FHIT: variants seen among roughly 807,000 people sequenced by gnomAD.
FHIT encodes the protein bis(5'-adenosyl)-triphosphatase.
Under a neutral mutation model 17.9 loss-of-function variants are expected in FHIT, and 19 were observed. The ratio of observed to expected loss-of-function variants is 1.06; its 90% CI spans 0.74 to 1.56. The LOEUF (loss-of-function observed/expected upper bound fraction) is 1.56. FHIT is among the 40% of genes most tolerant of loss of function. The pLI, the probability that FHIT is intolerant of heterozygous loss-of-function variation, is 0.00. For missense variants in FHIT, 248 were observed against 189.2 expected (o/e 1.31, Z -1.82); for synonymous variants, 81 against 69.7 (o/e 1.16, Z -0.81).
At chr3:60,353,073 G>C (rs947826019) in intron 5 of FHIT, among the ~76,000 whole-genome samples, 3 of 152,120 alleles carry the variant, frequency 2.0e-5, no homozygotes, top group Non-Finnish European at 2.9e-5. Context: ...AGTTTAACAA[G>C]ATAAATTTGA....
In FHIT at chr3:60,070,559, G is replaced by A. The variant is rs924685474; in HGVS notation, c.104-56407C>T. Among the ~76,000 whole-genome samples the A allele has an allele frequency of 2.6e-5, 4 of 151,254 alleles. No homozygotes were observed. In the South Asian group the frequency reaches 6.3e-4, roughly 24 times the overall value. On this transcript the variant is annotated intron_variant, in intron 5 of 9. Transcript: ENST00000492590. ...ACACCTGTCCCTCTGTCCCCTGCTGGGTAGATTAGGGAAGACAAACAAAGA... is the reference window on the plus strand; with the variant it reads ...ACACCTGTCCCTCTGTCCCCTGCTGAGTAGATTAGGGAAGACAAACAAAGA...
intron 3 of FHIT, among the ~76,000 whole-genome samples, chr3:60,860,414 T>TATGTATACATGACATACATC (rs1553751410): frequency 2.1e-5 from 3 of 139,916 alleles, no homozygotes; most frequent in Non-Finnish European, 4.8e-5. Context: ...ACATACATCA[T>TATGTATACATGACATACATC]ATGTATATAT....
intron 5 of FHIT, among the ~76,000 whole-genome samples, chr3:60,365,864 C>A (rs1700086001): frequency 1.3e-5 from 2 of 152,208 alleles, no homozygotes; most frequent in East Asian, 1.9e-4. Flanking sequence ...CATGAAAATA[C>A]GTAACAACAA....
chr3:60,080,474 A>C (rs1703229322), intron 5 of FHIT, among the ~76,000 whole-genome samples: 1 of 152,270 alleles, frequency 6.6e-6, no homozygotes, highest in Admixed American at 6.5e-5. Flanking sequence ...GCTGCAAGTA[A>C]ATTTTCTGAG....
rs993644637 is a variant in FHIT at position 60,291,884 on chromosome 3, G to A, written c.103+244976C>T. Among the ~76,000 whole-genome samples the A allele has an allele frequency of 3.9e-5, 6 of 152,220 alleles. No homozygotes were observed. The East Asian group carries it at 1.2e-3, about 29-fold the overall frequency. Reference sequence around the variant, plus strand: ...GAATATCAGGAGCCACTAGAAGCTCGAAGAGGCAAGGAAGTATGCTCCCCT... The same window carrying A: ...GAATATCAGGAGCCACTAGAAGCTCAAAGAGGCAAGGAAGTATGCTCCCCT... On this transcript the variant is annotated intron_variant, in intron 5 of 9. Coordinates refer to ENST00000492590, the MANE Select transcript of FHIT (RefSeq NM_002012.4).
intron 3 of FHIT, among the ~76,000 whole-genome samples, chr3:60,873,464 G>T (rs9883990): frequency 3.9e-5 from 6 of 152,152 alleles, no homozygotes; most frequent in Admixed American, 1.3e-4. Flanking sequence ...CCTTCAACAG[G>T]TTCCTTTGTT....
At chr3:61,133,987 C>G (rs2036837297) in intron 2 of FHIT, among the ~76,000 whole-genome samples, 1 of 152,064 alleles carries the variant, frequency 6.6e-6, no homozygotes, top group Non-Finnish European at 1.5e-5. Context: ...ACTCAGGAGG[C>G]TGAGGCAGGA....
intron 4 of FHIT, among the ~76,000 whole-genome samples, chr3:60,674,957 A>C (rs1020423931): frequency 2.6e-5 from 4 of 152,192 alleles, no homozygotes; most frequent in Non-Finnish European, 5.9e-5. Flanking sequence ...GCCCCTCAGC[A>C]GCAACAAAGT....
intron 1 of FHIT, among the ~76,000 whole-genome samples, chr3:61,239,906 C>T (rs1373914501): frequency 6.6e-6 from 1 of 151,870 alleles, no homozygotes; most frequent in African/African-American, 2.4e-5. Flanking sequence ...ATATATATCA[C>T]CTGGCAGCTT....
intron 7 of FHIT, among the ~76,000 whole-genome samples, chr3:59,984,029 T>C (rs1168351066): frequency 6.6e-6 from 1 of 152,128 alleles, no homozygotes; most frequent in Non-Finnish European, 1.5e-5. Context: ...CAATGTTACT[T>C]AACTTTCCTG....
chr3:59,837,168 ATAGAAGCCTGATTAATTT>A (rs1022899138), intron 8 of FHIT, among the ~76,000 whole-genome samples: 2 of 152,142 alleles, frequency 1.3e-5, no homozygotes, highest in African/African-American at 2.4e-5. Flanking sequence ...GTCCTGGAGT[ATAGAAGCCTGATTAATTT>A]TAAGTCACCT....
At chr3:60,301,010 C>T (rs978607756) in intron 5 of FHIT, among the ~76,000 whole-genome samples, 2 of 152,026 alleles carry the variant, frequency 1.3e-5, no homozygotes, top group African/African-American at 4.8e-5. Flanking sequence ...GCACCCAAAG[C>T]ATCTCTCCCG....
chr3:60,895,057 A>G (rs1705721843), intron 3 of FHIT, among the ~76,000 whole-genome samples: 1 of 152,146 alleles, frequency 6.6e-6, no homozygotes, highest in African/African-American at 2.4e-5. Flanking sequence ...ACTTTCCTCC[A>G]GTCTAGGATC....
intron 8 of FHIT, among the ~76,000 whole-genome samples, chr3:59,792,136 G>C (rs1699590804): frequency 6.6e-6 from 1 of 152,044 alleles, no homozygotes; most frequent in Non-Finnish European, 1.5e-5. Flanking sequence ...TAGGTGCTTT[G>C]GAAATGTTAA....
At chr3:60,102,474 T>C (rs1239701692) in intron 5 of FHIT, among the ~76,000 whole-genome samples, 3 of 152,198 alleles carry the variant, frequency 2.0e-5, no homozygotes, top group African/African-American at 7.2e-5. Context: ...TAGTCCAGAA[T>C]GATCTGGGGG....
At chr3:60,639,947 C>G (rs1236572776) in intron 4 of FHIT, among the ~76,000 whole-genome samples, 1 of 152,178 alleles carries the variant, frequency 6.6e-6, no homozygotes, top group South Asian at 2.1e-4. Context: ...CAATGGAATA[C>G]TATTCTGCAA....
At chr3:60,049,890 C>A (rs1049509572) in intron 5 of FHIT, among the ~76,000 whole-genome samples, 1 of 152,074 alleles carries the variant, frequency 6.6e-6, no homozygotes, top group Admixed American at 6.5e-5. Context: ...TAGATTGTTT[C>A]TAATTCTTTA....
chr3:60,573,446 A>G (rs1167814769), intron 4 of FHIT, among the ~76,000 whole-genome samples: 2 of 152,134 alleles, frequency 1.3e-5, no homozygotes, highest in Non-Finnish European at 2.9e-5. Context: ...TGTAGTGGGT[A>G]TAGAAAGGAG....
At chr3:60,406,722 T>C (rs551821112) in intron 5 of FHIT, among the ~76,000 whole-genome samples, 36 of 152,234 alleles carry the variant, frequency 2.4e-4, no homozygotes, top group African/African-American at 8.2e-4. Context: ...ACTTTTGTTG[T>C]TTCCAGCAGC....
Sources: gnomAD v4.1 joint callset for allele counts (sites outside exome capture counted in the v4.1 genomes callset) on GRCh38, gnomAD v4.1.1 for gene constraint, MANE v1.5 for transcripts, NCBI Gene and HGNC (gene_info 2026-07-23, HGNC 2026-07-21) for gene names.